Variants in INPP4A observed in about 807,000 individuals in gnomAD.
INPP4A encodes inositol polyphosphate-4-phosphatase type I A.
Under a neutral mutation model 119.8 loss-of-function variants are expected in INPP4A, and 33 were observed. That is an observed-to-expected ratio of 0.28 (90% CI 0.21 to 0.37). The LOEUF is 0.37. INPP4A is among the 10% of genes least tolerant of loss of function. The probability of loss-of-function intolerance (pLI) is 1.00; values close to 1 mark genes in which losing one functional copy is unlikely to be tolerated. For synonymous variants in INPP4A, 496 were observed against 500.7 expected (o/e 0.99, Z 0.12); for missense variants, 956 against 1,289.9 (o/e 0.74, Z 3.97).
rs1697206527 is a variant in INPP4A, at chr2:98,570,224, C to T, written c.2518+1556C>T. Among the ~76,000 whole-genome samples the T allele has an allele frequency of 6.6e-6, 1 of 152,168 alleles. No individual in the cohort carries two copies. The highest frequency in any genetic ancestry group is 2.1e-4 in the South Asian group (1 of 4,828). Reference sequence around the variant, plus strand: ...ATGGGCAAATGACTTGTGGGGAGTGCAGATGTGGAGCCACAGAGCAGAGCC... The same window carrying T: ...ATGGGCAAATGACTTGTGGGGAGTGTAGATGTGGAGCCACAGAGCAGAGCC... On this transcript the variant is annotated intron_variant, in intron 22 of 24. Coordinates refer to ENST00000409851, the MANE Select transcript of INPP4A (RefSeq NM_001134225.2). The surrounding 1 kb of genome is among the most constrained non-coding windows in gnomAD (Gnocchi z 4.3).
chr2:98,447,956 A>T (rs955231503), intron 1 of INPP4A, among the ~76,000 whole-genome samples: 1 of 150,260 alleles, frequency 6.7e-6, no homozygotes, highest in African/African-American at 2.5e-5. Context: ...CTGAGGCAGG[A>T]GAATGGCGTG....
At chr2:98,564,224 G>T (rs996687744) in intron 18 of INPP4A, among the ~76,000 whole-genome samples, 35 of 152,278 alleles carry the variant, frequency 2.3e-4, no homozygotes, top group African/African-American at 7.9e-4. Context: ...ATCTCCCACT[G>T]GGGAAACTTT....
intron 8 of INPP4A, among the ~76,000 whole-genome samples, chr2:98,538,337 C>T (rs1690721737): frequency 6.6e-6 from 1 of 152,166 alleles, no homozygotes; most frequent in African/African-American, 2.4e-5. Context: ...TGTTTTAATA[C>T]CTTCCTCTCC....
intron 1 of INPP4A, among the ~76,000 whole-genome samples, chr2:98,493,409 G>A (rs1681249749): frequency 6.8e-6 from 1 of 146,922 alleles, no homozygotes; most frequent in South Asian, 2.2e-4. Flanking sequence ...CTGGGTGACT[G>A]TTATTTTTCT....
At chr2:98,541,889 GTTCA>G (rs2106028306) in intron 10 of INPP4A, among the ~76,000 whole-genome samples, 1 of 152,280 alleles carries the variant, frequency 6.6e-6, no homozygotes, top group East Asian at 1.9e-4. Flanking sequence ...CTGGCCAAGA[GTTCA>G]TTCATTTAAC....
intron 1 of INPP4A, among the ~76,000 whole-genome samples, chr2:98,488,671 T>C (rs1018448900): frequency 3.3e-5 from 5 of 152,142 alleles, no homozygotes; most frequent in African/African-American, 1.2e-4. Flanking sequence ...CAGTAAAACC[T>C]AACCAGAGGA....
chr2:98,556,076 A>G (rs1033667631), intron 16 of INPP4A: 4 of 447,800 alleles, frequency 8.9e-6, no homozygotes, highest in East Asian at 6.8e-5. Context: ...CACCATGGCT[A>G]TAAGGGTTGG....
In INPP4A at chr2:98,592,838, A is replaced by G. The variant is rs980695104; in HGVS notation, c.*5230A>G. Reference sequence around the variant, plus strand: ...CAGTCTACGATTTGTCTGGTGGCCAAATGATGACTTTTGAGTGGGAAAAGC... The same window carrying G: ...CAGTCTACGATTTGTCTGGTGGCCAGATGATGACTTTTGAGTGGGAAAAGC... On this transcript the variant is annotated 3_prime_UTR_variant, in exon 25 of 25. Coordinates refer to ENST00000409851, the MANE Select transcript of INPP4A (RefSeq NM_001134225.2). The G allele has an allele frequency of 6.6e-6, 1 of 152,442 alleles. No individual in the cohort carries two copies. Among genetic ancestry groups the G allele is most frequent in the Admixed American group, 6.5e-5 (1 of 15,288 alleles). 9.4% of individuals were successfully genotyped at this position (152,442 alleles called of 1,614,324 possible). A position where few individuals can be genotyped will look rare whatever the true frequency, so the allele number is the denominator to read the frequency against.
intron 1 of INPP4A, among the ~76,000 whole-genome samples, chr2:98,493,135 T>C (rs903591216): frequency 3.3e-5 from 5 of 152,174 alleles, no homozygotes; most frequent in Non-Finnish European, 7.3e-5. Context: ...TGGACAACAC[T>C]TGGGGACTTC....
intron 1 of INPP4A, among the ~76,000 whole-genome samples, chr2:98,449,781 C>T (rs912752243): frequency 1.6e-4 from 25 of 152,322 alleles, no homozygotes; most frequent in Admixed American, 1.6e-3. Context: ...AATTTGTACT[C>T]CTTCCATTAG....
intron 1 of INPP4A, among the ~76,000 whole-genome samples, chr2:98,456,755 G>A (rs1355699199): frequency 1.3e-5 from 2 of 152,208 alleles, no homozygotes; most frequent in Non-Finnish European, 2.9e-5. Context: ...TTCAACCATC[G>A]ATTGCCCAAA....
chr2:98,560,943 G>C (rs778308696), intron 17 of INPP4A, among the ~76,000 whole-genome samples: 1 of 152,240 alleles, frequency 6.6e-6, no homozygotes, highest in Admixed American at 6.5e-5. Flanking sequence ...TTGTGTGTCA[G>C]CTGGGACATT....
intron 1 of INPP4A, among the ~76,000 whole-genome samples, chr2:98,473,657 A>G (rs113678115): frequency 0.016 from 2,361 of 152,114 alleles, 69 homozygotes; most frequent in African/African-American, 0.054. Context: ...CACCCGGGCC[A>G]GATGGTGACC....
chr2:98,456,137 C>T (rs531306337), intron 1 of INPP4A, among the ~76,000 whole-genome samples: 1 of 152,316 alleles, frequency 6.6e-6, no homozygotes, highest in Non-Finnish European at 1.5e-5. Flanking sequence ...CTTTCTCTTT[C>T]TGGCAGCTTT....
intron 1 of INPP4A, among the ~76,000 whole-genome samples, chr2:98,448,073 TG>T (rs1694533799): frequency 7.1e-6 from 1 of 140,932 alleles, no homozygotes; most frequent in South Asian, 2.2e-4. Flanking sequence ...AAAAAAATCA[TG>T]GCCGGGCGCA....
At position 98,566,899 on chromosome 2, in the gene INPP4A, A is replaced by G. The variant is rs1193117979; in HGVS notation, c.2420+730A>G. Reference sequence around the variant, plus strand: ...ATGTGATATGTGTAGAATAGTCTAAACAGAGATCTTCAAGTACTTGCTGTG... The same window carrying G: ...ATGTGATATGTGTAGAATAGTCTAAGCAGAGATCTTCAAGTACTTGCTGTG... On this transcript the variant is annotated intron_variant, in intron 21 of 24. Coordinates refer to ENST00000409851, the MANE Select transcript of INPP4A (RefSeq NM_001134225.2). This position sits in a 1 kb window ranked among gnomAD's most constrained non-coding sequence, Gnocchi z 4.2. 6.6e-6 allele frequency among the ~76,000 whole-genome samples: 1 copy of G among 152,188 alleles called. No homozygotes were observed. Among genetic ancestry groups the G allele is most frequent in the African/African-American group, 2.4e-5 (1 of 41,438 alleles).
chr2:98,477,983 G>A (rs1418533630), intron 1 of INPP4A, among the ~76,000 whole-genome samples: 1 of 152,168 alleles, frequency 6.6e-6, no homozygotes, highest in East Asian at 1.9e-4. Flanking sequence ...AGTGGGAGGT[G>A]GATTCAGTGC....
chr2:98,554,077 C>T lies in INPP4A; in HGVS notation c.1348-194C>T, dbSNP rs535651141. 6.6e-6 allele frequency among the ~76,000 whole-genome samples: 1 copy of T among 152,338 alleles called. No homozygotes were observed. Among genetic ancestry groups the T allele is most frequent in the East Asian group, 1.9e-4 (1 of 5,184 alleles). On this transcript the variant is annotated intron_variant, in intron 14 of 24. Coordinates refer to ENST00000409851, the MANE Select transcript of INPP4A (RefSeq NM_001134225.2). This position sits in a 1 kb window ranked among gnomAD's most constrained non-coding sequence, Gnocchi z 4.7. ...GTGGGAAATTCTTGTTAAGATTCAG[C>T]CCAAGTGGGCCACATGGCAGTCTTT...
Position 98,587,887 on chromosome 2 carries a change from C to T in INPP4A, c.*279C>T, listed in dbSNP as rs931076214. 1 of 284,734 alleles carries T rather than the reference C, an allele frequency of 3.5e-6. No individual in the cohort carries two copies. The highest frequency in any genetic ancestry group is 2.2e-5 in the African/African-American group (1 of 46,456). 17.6% of individuals were successfully genotyped at this position (284,734 alleles called of 1,614,324 possible). On this transcript the variant is annotated 3_prime_UTR_variant, in exon 25 of 25. Transcript: ENST00000409851. ...TTGGCTGTAACTACACAGATCTCAT[C>T]AATAGTTACCTACATGAATCAAGCT...
Sources: allele counts gnomAD v4.1 joint callset (sites outside exome capture counted in the v4.1 genomes callset), GRCh38; gene constraint gnomAD v4.1.1; non-coding constraint Gnocchi (gnomAD v3.1); transcripts MANE v1.5; gene names NCBI Gene and HGNC (gene_info 2026-07-23, HGNC 2026-07-21).